The following NTM variants were observed in gnomAD, a reference collection of about 807,000 sequenced individuals.
The protein encoded by NTM is neurotrimin.
In NTM, 13 loss-of-function variants were observed where a neutral mutation model predicts 42.1. The ratio of observed to expected loss-of-function variants is 0.31; its 90% confidence interval spans 0.20 to 0.49. NTM has a LOEUF of 0.49. Ranked by LOEUF, NTM falls within the 20% of genes least tolerant of loss-of-function variation. The pLI, the probability that NTM is intolerant of heterozygous loss-of-function variation, is 0.99. For synonymous variants in NTM, 187 were observed against 179.2 expected, an observed-to-expected ratio of 1.04 and a Z score of -0.35; for missense variants, 373 against 452.8, an observed-to-expected ratio of 0.82 and a Z score of 1.60.
At chr11:131,567,120 C>A (rs1016144593) in intron 1 of NTM, among the ~76,000 whole-genome samples, 1 of 152,010 alleles carries the variant, frequency 6.6e-6, no homozygotes, top group Non-Finnish European at 1.5e-5. Flanking sequence ...AGGAACATGT[C>A]TTTTCCTCAT....
intron 4 of NTM, among the ~76,000 whole-genome samples, chr11:132,283,593 TA>T (rs2094097010): frequency 6.6e-6 from 1 of 152,182 alleles, no homozygotes; most frequent in Admixed American, 6.5e-5. Context: ...ATTGGCATCT[TA>T]AAAAAATATT....
chr11:132,304,278 G>GA (rs2094987994), intron 4 of NTM, among the ~76,000 whole-genome samples: 1 of 152,274 alleles, frequency 6.6e-6, no homozygotes. Flanking sequence ...TTTACAGAAA[G>GA]AAAAAGCAGA....
chr11:131,547,657 T>C (rs11828333), intron 1 of NTM, among the ~76,000 whole-genome samples: 27,555 of 152,128 alleles, frequency 0.18, 5,641 homozygotes, highest in African/African-American at 0.5. Context: ...GTCCTGTTGG[T>C]ATGAAGCCTT....
intron 2 of NTM, among the ~76,000 whole-genome samples, chr11:132,043,606 T>C (rs549726839): frequency 1.3e-5 from 2 of 152,286 alleles, no homozygotes; most frequent in Admixed American, 1.3e-4. Flanking sequence ...TTCTGCAAGA[T>C]TGGAAAGTGG....
chr11:131,489,715 C>T (rs1037881923), intron 1 of NTM, among the ~76,000 whole-genome samples: 3 of 152,212 alleles, frequency 2.0e-5, no homozygotes, highest in African/African-American at 7.2e-5. Context: ...TTTGGCTCCT[C>T]TCTCCTTTGC....
intron 1 of NTM, among the ~76,000 whole-genome samples, chr11:131,412,988 C>T (rs771570610): frequency 3.3e-5 from 5 of 152,164 alleles, no homozygotes; most frequent in Non-Finnish European, 7.3e-5. Flanking sequence ...TAACATTAAA[C>T]CTTTAAGACC....
At chr11:132,090,090 C>G (rs1189348051) in intron 2 of NTM, among the ~76,000 whole-genome samples, 1 of 152,012 alleles carries the variant, frequency 6.6e-6, no homozygotes, top group Non-Finnish European at 1.5e-5. Context: ...CATTCACAGA[C>G]AAGAAAATGA....
At chr11:132,059,982 C>T (rs1376223137) in intron 2 of NTM, among the ~76,000 whole-genome samples, 1 of 152,108 alleles carries the variant, frequency 6.6e-6, no homozygotes, top group Non-Finnish European at 1.5e-5. Flanking sequence ...TAGAGACCCT[C>T]CTGTCCTCTA....
At chr11:131,719,111 T>C (rs1013941694) in intron 1 of NTM, among the ~76,000 whole-genome samples, 12 of 152,080 alleles carry the variant, frequency 7.9e-5, no homozygotes, top group Non-Finnish European at 1.6e-4. Context: ...GGTTTTGCCA[T>C]GTCACTCAGG....
chr11:132,318,650 G>A (rs115715888), intron 7 of NTM, among the ~76,000 whole-genome samples: 1,916 of 152,256 alleles, frequency 0.013, 32 homozygotes, highest in African/African-American at 0.043. Context: ...TGGGTGCCGC[G>A]TGCACTGCTG....
intron 1 of NTM, among the ~76,000 whole-genome samples, chr11:131,604,099 A>G (rs10894420): frequency 0.43 from 65,045 of 152,056 alleles, 16,024 homozygotes; most frequent in East Asian, 0.61. Context: ...AGGAACCACC[A>G]AACTGTTTTT....
intron 3 of NTM, among the ~76,000 whole-genome samples, chr11:132,173,658 C>G (rs1384006069): frequency 1.3e-5 from 2 of 152,136 alleles, no homozygotes; most frequent in East Asian, 3.9e-4. Context: ...ATTATGAAAA[C>G]CAGCTTGTGG....
chr11:132,262,852 T>C lies in NTM; in HGVS notation c.527-44837T>C, dbSNP rs186902177. ...CCAGAATGAACTCTAAAGTCCAAAG[T>C]CTCATTTAAATATCATCTTAATCAG... On this transcript the variant is annotated intron_variant, in intron 4 of 8. Coordinates refer to ENST00000683400, the MANE Select transcript of NTM (RefSeq NM_001352005.2). 3.3e-5 allele frequency among the ~76,000 whole-genome samples: 5 copies of C among 152,248 alleles called. No homozygotes were observed. The East Asian group carries it at 9.7e-4, about 29-fold the overall frequency.
At chr11:131,919,932 T>G (rs2056978731) in intron 2 of NTM, among the ~76,000 whole-genome samples, 1 of 152,182 alleles carries the variant, frequency 6.6e-6, no homozygotes, top group African/African-American at 2.4e-5. Context: ...GTGGTGCCTC[T>G]CCTACACATC....
At chr11:131,677,616 C>T (rs566518040) in intron 1 of NTM, among the ~76,000 whole-genome samples, 1 of 152,190 alleles carries the variant, frequency 6.6e-6, no homozygotes, top group South Asian at 2.1e-4. Flanking sequence ...CCAGCAATGT[C>T]CATGGCTTAT....
intron 3 of NTM, among the ~76,000 whole-genome samples, chr11:132,151,886 G>A (rs1417820081): frequency 6.6e-6 from 1 of 152,142 alleles, no homozygotes; most frequent in African/African-American, 2.4e-5. Context: ...GCAGTGACTT[G>A]CAAATAATGG....
intron 1 of NTM, among the ~76,000 whole-genome samples, chr11:131,517,130 C>T (rs767851372): frequency 6.6e-6 from 1 of 152,182 alleles, no homozygotes; most frequent in Non-Finnish European, 1.5e-5. Context: ...TCTGACTTCT[C>T]ATTGCCTATG....
At chr11:131,821,313 T>G in intron 1 of NTM, among the ~76,000 whole-genome samples, 1 of 152,216 alleles carries the variant, frequency 6.6e-6, no homozygotes, top group Non-Finnish European at 1.5e-5. Flanking sequence ...GGTGAGATCC[T>G]TAGTCATGAC....
At chr11:132,186,516 A>G (rs2078420431) in intron 3 of NTM, among the ~76,000 whole-genome samples, 1 of 152,200 alleles carries the variant, frequency 6.6e-6, no homozygotes, top group Admixed American at 6.5e-5. Flanking sequence ...AGCAGCAGAT[A>G]AAGACTCCAT....
Sources: allele counts gnomAD v4.1 joint callset (sites outside exome capture counted in the v4.1 genomes callset), GRCh38; gene constraint gnomAD v4.1.1; transcripts MANE v1.5; gene names NCBI Gene and HGNC (gene_info 2026-07-23, HGNC 2026-07-21).